Variants in DNAJC13 observed in about 807,000 individuals in gnomAD.
DNAJC13 encodes DnaJ heat shock protein family (Hsp40) member C13.
Under a neutral mutation model 290.5 loss-of-function variants are expected in DNAJC13, and 75 were observed. That is an observed-to-expected ratio of 0.26 (90% confidence interval 0.21 to 0.31). DNAJC13 has a LOEUF of 0.31. Among genes scored for constraint, DNAJC13 ranks in the 10% least tolerant of loss-of-function variants. The pLI, the probability that DNAJC13 is intolerant of heterozygous loss-of-function variation, is 1.00. For missense variants in DNAJC13, 2,260 were observed against 2,674.5 expected (o/e 0.85, Z 3.42); for synonymous variants, 862 against 892.0 (o/e 0.97, Z 0.60).
At chr3:132,441,161 A>G (rs921958619) in intron 2 of DNAJC13, among the ~76,000 whole-genome samples, 1 of 152,214 alleles carries the variant, frequency 6.6e-6, no homozygotes, top group Non-Finnish European at 1.5e-5. Flanking sequence ...TCAGCCTAGG[A>G]AAAAGAATTC....
At chr3:132,428,026 G>A (rs1334828487) in intron 1 of DNAJC13, among the ~76,000 whole-genome samples, 1 of 152,160 alleles carries the variant, frequency 6.6e-6, no homozygotes, top group Non-Finnish European at 1.5e-5. Context: ...TCTAGTTAAC[G>A]TATAGCATGT....
At chr3:132,459,678 A>G (rs755603313) in intron 13 of DNAJC13, among the ~76,000 whole-genome samples, 2 of 152,220 alleles carry the variant, frequency 1.3e-5, no homozygotes, top group Admixed American at 6.5e-5. Flanking sequence ...TGTATCTTAC[A>G]TGAATTATCT....
At chr3:132,520,862 C>A (rs980130961) in intron 48 of DNAJC13, among the ~76,000 whole-genome samples, 2 of 152,090 alleles carry the variant, frequency 1.3e-5, no homozygotes, top group African/African-American at 4.8e-5. Flanking sequence ...GTATATAGTT[C>A]ACTTCTAAAA....
At chr3:132,534,622 G>A (rs1936536033) in intron 55 of DNAJC13, among the ~76,000 whole-genome samples, 1 of 152,032 alleles carries the variant, frequency 6.6e-6, no homozygotes, top group East Asian at 2.0e-4. Flanking sequence ...CTCCAGCCTG[G>A]GCAATAGAGC....
chr3:132,463,679 T>G lies in DNAJC13; in HGVS notation c.1771-17T>G. On this transcript the variant is annotated splice_polypyrimidine_tract_variant and intron_variant, in intron 16 of 55. Coordinates refer to ENST00000260818, the MANE Select transcript of DNAJC13 (RefSeq NM_015268.4). ...CTGGATTGCCACCTTAGGGATCATC[T>G]TACCCTTTTTCCAAAGGAAGGTGAT... The G allele has an allele frequency of 6.2e-7, 1 of 1,611,122 alleles. No individual in the cohort carries two copies. Among genetic ancestry groups the G allele is most frequent in the African/African-American group, 1.3e-5 (1 of 74,926 alleles).
chr3:132,517,087 G>C (rs940022552), intron 48 of DNAJC13, among the ~76,000 whole-genome samples: 1 of 152,202 alleles, frequency 6.6e-6, no homozygotes, highest in Admixed American at 6.5e-5. Context: ...GGAACAAAAA[G>C]TATATCAAGA....
At chr3:132,537,482 CTA>C (rs1936632127) in intron 55 of DNAJC13, among the ~76,000 whole-genome samples, 1 of 152,172 alleles carries the variant, frequency 6.6e-6, no homozygotes, top group Non-Finnish European at 1.5e-5. Flanking sequence ...AAAATAAACT[CTA>C]GAGGGCTAAA....
chr3:132,445,144 T>C (rs1933201751), intron 2 of DNAJC13, among the ~76,000 whole-genome samples: 1 of 152,144 alleles, frequency 6.6e-6, no homozygotes, highest in African/African-American at 2.4e-5. Flanking sequence ...TGGCTGTTTG[T>C]TTAAGTTATT....
At chr3:132,456,422 A>G in intron 10 of DNAJC13, 21 bp downstream of exon 10, 1 of 1,610,994 alleles carries the variant, frequency 6.2e-7, no homozygotes, top group Non-Finnish European at 8.5e-7. Context: ...ATTTAAATGT[A>G]ATTACATTTC....
chr3:132,511,302 C>T (rs574285486), intron 44 of DNAJC13, 58 bp downstream of exon 44: 1 of 1,553,566 alleles, frequency 6.4e-7, no homozygotes, highest in South Asian at 1.2e-5. Context: ...CCTAAAAATT[C>T]CAATAATCAA....
intron 48 of DNAJC13, among the ~76,000 whole-genome samples, chr3:132,517,794 T>C (rs376859567): frequency 1.9e-4 from 29 of 152,302 alleles, no homozygotes; most frequent in African/African-American, 6.0e-4. Flanking sequence ...ATTAAACACT[T>C]TTTACATTAA....
At chr3:132,529,575 CAGG>C (rs1203922964) in intron 54 of DNAJC13, among the ~76,000 whole-genome samples, 4 of 152,092 alleles carry the variant, frequency 2.6e-5, no homozygotes. Context: ...ATCACGAGGT[CAGG>C]AGATCAAGAC....
chr3:132,500,696 C>A, intron 38 of DNAJC13, 98 bp from the exon 39 acceptor site: 1 of 1,495,130 alleles, frequency 6.7e-7, no homozygotes, highest in South Asian at 1.2e-5. Context: ...TACCATTAAG[C>A]ATTATTCACA....
At position 132,495,098 on chromosome 3, in the gene DNAJC13, A is replaced by C. The variant is rs773676436; in HGVS notation, c.3952A>C (p.Ser1318Arg). The C allele has an allele frequency of 6.2e-6, 10 of 1,613,274 alleles. No homozygotes were observed. The South Asian group carries it at 1.1e-4, about 18-fold the overall frequency. Residue 1318 changes from serine to arginine, a missense_variant, in exon 35 of 56, where the codon AGC becomes CGC. This residue lies in a region of DNAJC13 where 1,494 missense variants were observed against 1,693.7 expected (regional missense o/e 0.88). Coordinates refer to ENST00000260818, the MANE Select transcript of DNAJC13 (RefSeq NM_015268.4). ...TTTCCTGTTTAACAGGCATGATGAGAGCAAGATTAGGAAAGCTTACTTCAG... is the reference window on the plus strand; with the variant it reads ...TTTCCTGTTTAACAGGCATGATGAGCGCAAGATTAGGAAAGCTTACTTCAG... ...LPQGQGPHDESKIRKAYFRLA... is the reference protein window; with the variant it reads ...LPQGQGPHDERKIRKAYFRLA...
At chr3:132,484,408 T>C (rs1202753647) in intron 28 of DNAJC13, 180 bp from the exon 29 acceptor site, 3 of 625,126 alleles carry the variant, frequency 4.8e-6, no homozygotes, top group Middle Eastern at 2.5e-4. Flanking sequence ...TGAAGTCATA[T>C]TAAGCAGCCA....
chr3:132,429,872 T>C (rs1230001301), intron 1 of DNAJC13, among the ~76,000 whole-genome samples: 1 of 152,206 alleles, frequency 6.6e-6, no homozygotes, highest in African/African-American at 2.4e-5. Context: ...CCCATTTTAC[T>C]AGCCTTTTAT....
At position 132,425,385 on chromosome 3, in the gene DNAJC13, A is replaced by G. The variant is rs141516751; in HGVS notation, c.-14+7625A>G. On this transcript the variant is annotated intron_variant, in intron 1 of 55. Transcript: ENST00000260818. ...AAACTCCACAATTTTCACCCAACAT[A>G]TTGTAAACATTTTCACCTACAGCCA... Among the ~76,000 whole-genome samples the G allele has an allele frequency of 5.7e-4, 87 of 152,302 alleles. 1 individual carries two copies. Among genetic ancestry groups the G allele is most frequent in the African/African-American group, 1.9e-3 (81 of 41,580 alleles).
At chr3:132,503,426 A>G (rs563072591) in intron 41 of DNAJC13, 45 bp downstream of exon 41, 4 of 1,607,990 alleles carry the variant, frequency 2.5e-6, no homozygotes, top group African/African-American at 2.7e-5. Context: ...ATAGTGCAAG[A>G]TCCTTTAAGC....
Position 132,523,141 on chromosome 3 carries a change from C to A in DNAJC13, c.5844-16C>A, listed in dbSNP as rs1360527199. On this transcript the variant is annotated splice_polypyrimidine_tract_variant and intron_variant, in intron 49 of 55. Transcript: ENST00000260818. ...TTGTGACTGAAGTTTGGTATCCATC[C>A]CTTTTTTTCCCCAAGGCACTTTAAA... is the stretch of plus-strand genomic sequence containing the variant. The A allele has an allele frequency of 3.7e-6, 6 of 1,613,732 alleles. No homozygotes were observed. Among genetic ancestry groups the A allele is most frequent in the Non-Finnish European group, 5.1e-6 (6 of 1,179,846 alleles).
Sources: gnomAD v4.1 joint callset for allele counts (sites outside exome capture counted in the v4.1 genomes callset) on GRCh38, gnomAD v4.1.1 for gene constraint, gnomAD v4.1.1 regional missense constraint, MANE v1.5 for transcripts, NCBI Gene and HGNC (gene_info 2026-07-23, HGNC 2026-07-21) for gene names.